Variants in PSMA6 observed in about 807,000 individuals in gnomAD.
The protein encoded by PSMA6 is proteasome 20S subunit alpha 6.
For synonymous variants in PSMA6, 88 were observed against 97.7 expected (o/e 0.90, Z 0.59); for missense variants, 170 against 294.8 (o/e 0.58, Z 3.10).
At chr14:35,309,665 G>A (rs1318632480) in intron 3 of PSMA6, among the ~76,000 whole-genome samples, 2 of 152,130 alleles carry the variant, frequency 1.3e-5, no homozygotes, top group Non-Finnish European at 2.9e-5. Context: ...GGTGGCGCAC[G>A]CACACCTGTA....
intron 1 of PSMA6, among the ~76,000 whole-genome samples, chr14:35,284,549 G>T (rs1383438586): frequency 6.6e-6 from 1 of 152,180 alleles, no homozygotes; most frequent in Non-Finnish European, 1.5e-5. Context: ...GTGTCTCCCA[G>T]AGCAGCTAGC....
Position 35,317,223 on chromosome 14 carries a change from G to A in PSMA6, c.684-26G>A, listed in dbSNP as rs200273266. On this transcript the variant is annotated intron_variant, in intron 6 of 6. Coordinates refer to ENST00000261479, the MANE Select transcript of PSMA6 (RefSeq NM_002791.3). ...TTGAAAAAATTTTTTTTAAATCGTT[G>A]TTTTTTTCCCCCTTTTGCCTTCTAG... 3.0e-5 allele frequency: 48 copies of A among 1,605,978 alleles called. No individual in the cohort carries two copies. In the East Asian group the frequency reaches 1.1e-3, roughly 36 times the overall value.
At chr14:35,284,022 T>G (rs2138703067) in intron 1 of PSMA6, among the ~76,000 whole-genome samples, 1 of 152,264 alleles carries the variant, frequency 6.6e-6, no homozygotes, top group East Asian at 1.9e-4. Context: ...GCTACAAGGT[T>G]TATCTTCCCA....
chr14:35,310,620 A>G (rs769422696), intron 3 of PSMA6, 120 bp from the exon 4 acceptor site: 30 of 925,678 alleles, frequency 3.2e-5, no homozygotes, highest in Non-Finnish European at 4.0e-5. Context: ...GCCGTAGCGG[A>G]CCCTTTCTCT....
chr14:35,314,584 T>C (rs2052004743), intron 6 of PSMA6, 129 bp downstream of exon 6: 3 of 1,228,598 alleles, frequency 2.4e-6, no homozygotes, highest in Non-Finnish European at 2.1e-6. Flanking sequence ...TGTTTGTTTT[T>C]TTCCCCAGCA....
chr14:35,283,923 C>G (rs919205680), intron 1 of PSMA6, among the ~76,000 whole-genome samples: 5 of 152,086 alleles, frequency 3.3e-5, no homozygotes, highest in Admixed American at 1.3e-4. Context: ...TTGCTGCTTA[C>G]CCCAGTTCAG....
chr14:35,286,465 A>G (rs765928999), intron 1 of PSMA6, among the ~76,000 whole-genome samples: 34 of 152,322 alleles, frequency 2.2e-4, no homozygotes, highest in Non-Finnish European at 4.4e-4. Flanking sequence ...TGTTTTTCAA[A>G]GTCCTTGGCT....
upstream of PSMA6, among the ~76,000 whole-genome samples, chr14:35,291,823 C>CACA (rs1407085541): frequency 6.1e-4 from 29 of 47,724 alleles, no homozygotes; most frequent in Non-Finnish European, 1.2e-3. Context: ...AACTCTGTCT[C>CACA]AAAAAAAAAA....
chr14:35,301,288 T>G (rs2051705986), intron 1 of PSMA6, among the ~76,000 whole-genome samples: 1 of 152,052 alleles, frequency 6.6e-6, no homozygotes, highest in Admixed American at 6.6e-5. Flanking sequence ...GTGGATCACT[T>G]GAGGTCAGGA....
chr14:35,290,849 G>A (rs2051469685), upstream of PSMA6, among the ~76,000 whole-genome samples: 1 of 152,112 alleles, frequency 6.6e-6, no homozygotes, highest in Non-Finnish European at 1.5e-5. Flanking sequence ...CTCTTCTCCC[G>A]GAGCTACCTC....
At chr14:35,278,637 T>A in exon 1 of PSMA6, 1 of 1,526,918 alleles carries the variant, frequency 6.5e-7, no homozygotes, top group Non-Finnish European at 8.8e-7. Flanking sequence ...CAGGGTAGTG[T>A]CCTAGGCTGG....
chr14:35,307,277 ATTAG>A (rs2051846673), intron 1 of PSMA6, among the ~76,000 whole-genome samples: 1 of 152,238 alleles, frequency 6.6e-6, no homozygotes, highest in South Asian at 2.1e-4. Context: ...ATGTGGTCAA[ATTAG>A]TTACTGACCA....
intron 2 of PSMA6, 74 bp downstream of exon 2, chr14:35,308,162 C>T: frequency 2.6e-6 from 4 of 1,562,566 alleles, no homozygotes; most frequent in East Asian, 2.4e-5. Context: ...TGGCTCACAC[C>T]TGTAATCCCA....
upstream of PSMA6, among the ~76,000 whole-genome samples, chr14:35,291,066 A>G (rs1350316198): frequency 6.6e-6 from 1 of 151,044 alleles, no homozygotes; most frequent in Non-Finnish European, 1.5e-5. Context: ...ATCATAGCTC[A>G]CTGCAACCTG....
intron 1 of PSMA6, 22 bp downstream of exon 1, chr14:35,292,574 G>C: frequency 1.2e-6 from 2 of 1,611,636 alleles, no homozygotes; most frequent in Non-Finnish European, 1.7e-6. Context: ...AGGTTCGCCT[G>C]TGGGCCACCT....
chr14:35,302,345 G>A (rs1433543928), intron 1 of PSMA6, among the ~76,000 whole-genome samples: 1 of 152,156 alleles, frequency 6.6e-6, no homozygotes, highest in Non-Finnish European at 1.5e-5. Flanking sequence ...TTACAAGCAT[G>A]AGCCATCACA....
upstream of PSMA6, among the ~76,000 whole-genome samples, chr14:35,291,433 G>A (rs112516061): frequency 0.058 from 8,773 of 152,096 alleles, 329 homozygotes; most frequent in Middle Eastern, 0.11. Context: ...TGTTAGCCAG[G>A]ATGGTCTCAA....
At chr14:35,278,624 G>T, upstream of PSMA6, 1 of 1,487,414 alleles carries the variant, frequency 6.7e-7, no homozygotes, top group Non-Finnish European at 9.1e-7. Flanking sequence ...GGCTCTGCTG[G>T]AGCAGGGTAG....
intron 1 of PSMA6, among the ~76,000 whole-genome samples, chr14:35,305,534 T>C (rs1224514767): frequency 6.6e-6 from 1 of 152,260 alleles, no homozygotes; most frequent in Non-Finnish European, 1.5e-5. Context: ...GATGATTTAT[T>C]ACAGTTTCTA....
Sources: allele counts gnomAD v4.1 joint callset (sites outside exome capture counted in the v4.1 genomes callset), GRCh38; gene constraint gnomAD v4.1.1; transcripts MANE v1.5; gene names NCBI Gene and HGNC (gene_info 2026-07-23, HGNC 2026-07-21).